Variants in FMN2 observed in about 807,000 individuals in gnomAD.
The protein encoded by FMN2 is formin 2.
FMN2 carries 51 observed loss-of-function variants against 142.3 expected under a neutral mutation model. The observed-to-expected ratio is 0.36, with a 90% CI of 0.29 to 0.45. FMN2 has a LOEUF of 0.45. FMN2 is among the 20% of genes least tolerant of loss of function. The pLI, the probability that FMN2 is intolerant of heterozygous loss-of-function variation, is 1.00. For synonymous variants in FMN2, 882 were observed against 869.8 expected (o/e 1.01, Z -0.25); for missense variants, 1,936 against 2,122.8 (o/e 0.91, Z 1.73).
At chr1:240,218,562 TA>T (rs34031862) in intron 6 of FMN2, among the ~76,000 whole-genome samples, 25 of 147,868 alleles carry the variant, frequency 1.7e-4, no homozygotes, top group Admixed American at 4.1e-4. Context: ...ATCTCATCTC[TA>T]AAAAAAAAAA....
At chr1:240,178,797 T>C (rs1369131497) in intron 3 of FMN2, among the ~76,000 whole-genome samples, 5 of 152,214 alleles carry the variant, frequency 3.3e-5, no homozygotes, top group South Asian at 4.1e-4. Flanking sequence ...GGCATAAATA[T>C]TGATTTCTGA....
Position 240,180,566 on chromosome 1 carries a change from C to CTTTCTTT in FMN2, c.1930+2501_1930+2502insCTTTTTT, listed in dbSNP as rs377033509. On this transcript the variant is annotated intron_variant, in intron 3 of 17. Transcript: ENST00000319653. ...ATCCACTGTATATAACACATGACCCCTTTTTTTTTTTTTTTTTTTTAATGG... is the reference window on the plus strand; with the variant it reads ...ATCCACTGTATATAACACATGACCCCTTTCTTTTTTTTTTTTTTTTTTTTTTTAATGG... 3.2e-3 allele frequency among the ~76,000 whole-genome samples: 407 copies of CTTTCTTT among 126,162 alleles called. 5 individuals are homozygous for CTTTCTTT. Among genetic ancestry groups the CTTTCTTT allele is most frequent in the African/African-American group, 5.0e-3 (165 of 33,296 alleles). 82.8% of individuals were successfully genotyped at this position (126,162 alleles called of 152,430 possible). A position where few individuals can be genotyped will look rare whatever the true frequency, so the allele number is the denominator to read the frequency against.
chr1:240,443,864 T>C (rs1675712453), intron 16 of FMN2, among the ~76,000 whole-genome samples: 2 of 152,114 alleles, frequency 1.3e-5, no homozygotes, highest in Non-Finnish European at 2.9e-5. Flanking sequence ...ACAGTTGTAG[T>C]GGGTAAGGAA....
intron 14 of FMN2, among the ~76,000 whole-genome samples, chr1:240,387,427 T>C (rs1673443074): frequency 6.6e-6 from 1 of 152,234 alleles, no homozygotes; most frequent in African/African-American, 2.4e-5. Context: ...ACATGAAGTA[T>C]TATCTTATCC....
At chr1:240,288,887 C>T (rs1310787226) in intron 7 of FMN2, among the ~76,000 whole-genome samples, 1 of 152,118 alleles carries the variant, frequency 6.6e-6, no homozygotes, top group East Asian at 1.9e-4. Flanking sequence ...GTGAGTAAGG[C>T]TGGAAACAGA....
chr1:240,242,750 C>T (rs79884763), intron 6 of FMN2, among the ~76,000 whole-genome samples: 27 of 152,310 alleles, frequency 1.8e-4, no homozygotes, highest in Admixed American at 3.9e-4. Flanking sequence ...CAAAGCAAGA[C>T]GCTTTCACCC....
chr1:240,351,166 T>G (rs1672085896), intron 13 of FMN2, among the ~76,000 whole-genome samples: 2 of 152,196 alleles, frequency 1.3e-5, no homozygotes, highest in African/African-American at 4.8e-5. Context: ...TCTTTTTACT[T>G]TGTAATGGCA....
chr1:240,176,965 G>C (rs947108105), intron 2 of FMN2, among the ~76,000 whole-genome samples: 3 of 152,166 alleles, frequency 2.0e-5, no homozygotes, highest in Admixed American at 2.0e-4. Context: ...TACAGAAATA[G>C]CAACATCCAT....
intron 7 of FMN2, among the ~76,000 whole-genome samples, chr1:240,265,899 G>T (rs1668778875): frequency 1.4e-5 from 2 of 144,880 alleles, no homozygotes; most frequent in Admixed American, 7.1e-5. Flanking sequence ...CAGTAAGAGA[G>T]ATAACTTAAA....
At chr1:240,409,580 G>T (rs572700044) in intron 15 of FMN2, among the ~76,000 whole-genome samples, 24 of 152,302 alleles carry the variant, frequency 1.6e-4, no homozygotes, top group Non-Finnish European at 2.8e-4. Flanking sequence ...TAGATTACAA[G>T]ATATGAATTC....
intron 6 of FMN2, among the ~76,000 whole-genome samples, chr1:240,217,265 G>T (rs1487286872): frequency 6.6e-6 from 1 of 152,138 alleles, no homozygotes; most frequent in Non-Finnish European, 1.5e-5. Context: ...ATGTTTTATT[G>T]TAATTAGTAG....
chr1:240,142,820 C>T (rs926452108), intron 2 of FMN2: 1 of 1,586,884 alleles, frequency 6.3e-7, no homozygotes, highest in Non-Finnish European at 8.6e-7. Flanking sequence ...TGGTCTTAGG[C>T]TTGCCAGCCT....
chr1:240,352,536 G>A (rs908711446), intron 13 of FMN2, among the ~76,000 whole-genome samples: 1 of 152,074 alleles, frequency 6.6e-6, no homozygotes, highest in Admixed American at 6.5e-5. Flanking sequence ...AGTCAAGATC[G>A]TGCCACTGCA....
chr1:240,434,235 G>A (rs1675277099), intron 15 of FMN2, among the ~76,000 whole-genome samples: 1 of 152,298 alleles, frequency 6.6e-6, no homozygotes, highest in East Asian at 1.9e-4. Context: ...TCACAGAAAA[G>A]CCTGTGTAGT....
At chr1:240,433,290 C>T (rs1354316230) in intron 15 of FMN2, among the ~76,000 whole-genome samples, 2 of 152,132 alleles carry the variant, frequency 1.3e-5, no homozygotes, top group East Asian at 1.9e-4. Flanking sequence ...AGTGTTTTTA[C>T]GTAGCTTTTT....
chr1:240,194,363 A>G (rs1665832089), intron 4 of FMN2, among the ~76,000 whole-genome samples: 1 of 152,222 alleles, frequency 6.6e-6, no homozygotes, highest in African/African-American at 2.4e-5. Context: ...AAAGTCAGAC[A>G]TTAGTTAAAA....
At chr1:240,303,394 T>C (rs1185970860) in intron 8 of FMN2, among the ~76,000 whole-genome samples, 1 of 152,292 alleles carries the variant, frequency 6.6e-6, no homozygotes, top group African/African-American at 2.4e-5. Flanking sequence ...ATGTCATAAT[T>C]TTTCCCTCAT....
At chr1:240,136,716 T>C (rs1035314280) in intron 2 of FMN2, among the ~76,000 whole-genome samples, 2 of 152,186 alleles carry the variant, frequency 1.3e-5, no homozygotes, top group East Asian at 3.9e-4. Flanking sequence ...ATTAGTTCTA[T>C]TGATGTGACT....
intron 2 of FMN2, chr1:240,170,630 A>C: frequency 6.3e-7 from 1 of 1,578,046 alleles, no homozygotes; most frequent in Non-Finnish European, 8.7e-7. Flanking sequence ...GTTGTGGCTG[A>C]TATCTCTGTT....
Sources: gnomAD v4.1 joint callset for allele counts (sites outside exome capture counted in the v4.1 genomes callset) on GRCh38, gnomAD v4.1.1 for gene constraint, MANE v1.5 for transcripts, NCBI Gene and HGNC (gene_info 2026-07-23, HGNC 2026-07-21) for gene names.